Variants in STK17B observed in about 807,000 individuals in gnomAD.
The protein encoded by STK17B is serine/threonine kinase 17b.
Under a neutral mutation model 42.0 loss-of-function variants are expected in STK17B, and 21 were observed. The ratio of observed to expected loss-of-function variants is 0.50; its 90% CI spans 0.35 to 0.72. The LOEUF (loss-of-function observed/expected upper bound fraction) is 0.72. Among genes scored for constraint, STK17B ranks in the 30% least tolerant of loss-of-function variants. The pLI, the probability that STK17B is intolerant of heterozygous loss-of-function variation, is 0.00. For synonymous variants in STK17B, 143 were observed against 148.4 expected (o/e 0.96, Z 0.26); for missense variants, 349 against 446.0 (o/e 0.78, Z 1.96).
chr2:196,172,812 G>A (rs769352066), upstream of STK17B, among the ~76,000 whole-genome samples: 2 of 152,178 alleles, frequency 1.3e-5, no homozygotes, highest in Non-Finnish European at 2.9e-5. Context: ...GAAGCCTAAA[G>A]TTAGGATGAA....
At chr2:196,142,048 C>T (rs1193589053) in intron 5 of STK17B, among the ~76,000 whole-genome samples, 5 of 152,032 alleles carry the variant, frequency 3.3e-5, no homozygotes, top group East Asian at 3.9e-4. Flanking sequence ...TTTTGCTTCT[C>T]GGAAATGCTA....
intron 2 of STK17B, among the ~76,000 whole-genome samples, chr2:196,162,873 G>A (rs1363219484): frequency 6.6e-6 from 1 of 151,912 alleles, no homozygotes; most frequent in Non-Finnish European, 1.5e-5. Context: ...TTGAGCAACA[G>A]AGTGAGACCC....
At chr2:196,150,179 T>TAAAAAAAAAAAA (rs143244008) in intron 3 of STK17B, among the ~76,000 whole-genome samples, 2 of 113,488 alleles carry the variant, frequency 1.8e-5, no homozygotes, top group African/African-American at 3.5e-5. Context: ...GAGCAGTGAC[T>TAAAAAAAAAAAA]AAAAAAAAAA....
chr2:196,133,632 T>G lies in STK17B; in HGVS notation c.*3815A>C, dbSNP rs1699354036. ...ACACAAAGAGGGTTCATAGATGACC[T>G]AGGTCAAAGGCTAGAACATGCAGAC... On this transcript the variant is annotated 3_prime_UTR_variant, in exon 8 of 8. Transcript: ENST00000263955. The G allele has an allele frequency of 6.6e-6, 1 of 152,266 alleles. No homozygotes were observed. Among genetic ancestry groups the G allele is most frequent in the South Asian group, 2.1e-4 (1 of 4,836 alleles). The allele number at this position is 152,266 out of a possible 1,614,324, so 9.4% of individuals were successfully genotyped here. A position where few individuals can be genotyped will look rare whatever the true frequency, so the allele number is the denominator to read the frequency against.
intron 6 of STK17B, 38 bp from the exon 7 acceptor site, chr2:196,139,837 A>G: frequency 7.7e-7 from 1 of 1,304,334 alleles, no homozygotes; most frequent in Non-Finnish European, 9.9e-7. Context: ...ATGTATGTTA[A>G]TTTTTAAACA....
intron 2 of STK17B, among the ~76,000 whole-genome samples, chr2:196,159,899 A>T (rs895953772): frequency 3.3e-5 from 5 of 152,336 alleles, no homozygotes; most frequent in Non-Finnish European, 5.9e-5. Context: ...TGTATTTCTT[A>T]AAAGATTGAG....
rs765268119 is a variant in STK17B at position 196,139,795 on chromosome 2, T to C, written c.661A>G (p.Ile221Val). 7.3e-7 allele frequency: 1 copy of C among 1,366,604 alleles called. No individual in the cohort carries two copies. The highest frequency in any genetic ancestry group is 9.5e-7 in the Non-Finnish European group (1 of 1,049,260). The allele number at this position is 1,366,604 out of a possible 1,614,324, so 84.7% of individuals were successfully genotyped here. A position where few individuals can be genotyped will look rare whatever the true frequency, so the allele number is the denominator to read the frequency against. Residue 221 changes from isoleucine to valine, a missense_variant, in exon 7 of 8, where the codon ATT becomes GTT. Ile to Val is a conservative substitution (Grantham distance 29). Around this residue, in one of 3 missense-constraint regions of STK17B, gnomAD observed 256 missense variants for 347.7 expected, o/e 0.74. Transcript: ENST00000263955. ...AACAACATATATGCTATTATACCAA[T>C]ATTCCTGAAAAACAAGGGAGGGGAA... ...PITTATDMWN[I>V]GIIAYMLLTH...
At chr2:196,139,865 C>T (rs910384509) in intron 6 of STK17B, 66 bp from the exon 7 acceptor site, 29 of 1,182,832 alleles carry the variant, frequency 2.5e-5, no homozygotes, top group Middle Eastern at 5.8e-4. Context: ...AAAGTACAAT[C>T]GACATTCAAC....
chr2:196,153,263 A>AAAAAAAAAC (rs1444072925), intron 3 of STK17B: 1 of 151,744 alleles, frequency 6.6e-6, no homozygotes, highest in African/African-American at 2.4e-5. Context: ...TCCAAAAAAA[A>AAAAAAAAAC]AAAACAGTTG....
In STK17B at chr2:196,135,170, T is replaced by C. The variant is rs1315272026; in HGVS notation, c.*2277A>G. The C allele has an allele frequency of 3.9e-5, 6 of 152,196 alleles. No homozygotes were observed. The highest frequency in any genetic ancestry group is 1.5e-5 in the Non-Finnish European group (1 of 68,022). 9.4% of individuals were successfully genotyped at this position (152,196 alleles called of 1,614,324 possible). A position where few individuals can be genotyped will look rare whatever the true frequency, so the allele number is the denominator to read the frequency against. Reference sequence around the variant, plus strand: ...GAACTTATAATTTAAAATTCAAATATTTCTTGATTTTTTGGGGGATGGCAT... The same window carrying C: ...GAACTTATAATTTAAAATTCAAATACTTCTTGATTTTTTGGGGGATGGCAT... On this transcript the variant is annotated 3_prime_UTR_variant, in exon 8 of 8. Coordinates refer to ENST00000263955, the MANE Select transcript of STK17B (RefSeq NM_004226.4).
chr2:196,167,330 T>C (rs1291380444), intron 1 of STK17B, among the ~76,000 whole-genome samples: 1 of 152,220 alleles, frequency 6.6e-6, no homozygotes, highest in Non-Finnish European at 1.5e-5. Flanking sequence ...ACCAGCATGG[T>C]ATCTGCCACC....
At position 196,135,466 on chromosome 2, in the gene STK17B, A is replaced by G. The variant is rs1325584660; in HGVS notation, c.*1981T>C. The G allele has an allele frequency of 6.6e-6, 1 of 152,216 alleles. No homozygotes were observed. The highest frequency in any genetic ancestry group is 1.5e-5 in the Non-Finnish European group (1 of 68,032). The allele number at this position is 152,216 out of a possible 1,614,324, so 9.4% of individuals were successfully genotyped here. On this transcript the variant is annotated 3_prime_UTR_variant, in exon 8 of 8. Transcript: ENST00000263955. ...TCATATAAAGAATATAAATGTCATA[A>G]TTTATATGTCATAAGAAAAGAGCTC...
intron 5 of STK17B, 53 bp from the exon 6 acceptor site, chr2:196,141,350 A>G: frequency 7.1e-7 from 1 of 1,413,700 alleles, no homozygotes; most frequent in Non-Finnish European, 9.8e-7. Context: ...TAAAACAAGA[A>G]AATCACTTTA....
chr2:196,171,072 C>T (rs903304937), intron 1 of STK17B: 3 of 152,422 alleles, frequency 2.0e-5, no homozygotes, highest in Admixed American at 6.5e-5. Flanking sequence ...AGACACGCGC[C>T]CCGGGCTGAG....
At chr2:196,145,344 T>G (rs188604653) in intron 4 of STK17B, among the ~76,000 whole-genome samples, 3 of 152,022 alleles carry the variant, frequency 2.0e-5, no homozygotes, top group Non-Finnish European at 2.9e-5. Context: ...CACAGACTGA[T>G]TCAGATCTTA....
chr2:196,165,469 T>C (rs1308054244), intron 1 of STK17B: 1 of 152,276 alleles, frequency 6.6e-6, no homozygotes. Flanking sequence ...CTTGGTCATA[T>C]TTCATTTAAA....
At chr2:196,144,510 A>C in intron 4 of STK17B, among the ~76,000 whole-genome samples, 2 of 148,838 alleles carry the variant, frequency 1.3e-5, no homozygotes, top group African/African-American at 2.5e-5. Flanking sequence ...AAAAAAAAAA[A>C]AAAAAAAAAA....
chr2:196,163,517 C>G, intron 1 of STK17B, 90 bp from the exon 2 acceptor site: 3 of 910,152 alleles, frequency 3.3e-6, no homozygotes, highest in Admixed American at 7.6e-5. Flanking sequence ...CTATAAAATA[C>G]AACTAAAAAA....
At position 196,164,037 on chromosome 2, in the gene STK17B, TCAA is replaced by T. The variant is rs1189991495; in HGVS notation, c.-44-613_-44-611del. On this transcript the variant is annotated intron_variant, in intron 1 of 7. Transcript: ENST00000263955. ...TTGGGCAATAAAGCGAGATCTTATC[TCAA>T]TAAATAAATAAATAAATAAATAAAT... Among the ~76,000 whole-genome samples, 52 of 131,074 alleles carry T rather than the reference TCAA, an allele frequency of 4.0e-4. 1 individual carries two copies. In the South Asian group the frequency reaches 7.5e-3, roughly 19 times the overall value. 86.0% of individuals were successfully genotyped at this position (131,074 alleles called of 152,430 possible). A position where few individuals can be genotyped will look rare whatever the true frequency, so the allele number is the denominator to read the frequency against.
Sources: allele counts gnomAD v4.1 joint callset (sites outside exome capture counted in the v4.1 genomes callset), GRCh38; gene constraint gnomAD v4.1.1; regional missense constraint gnomAD v4.1.1; transcripts MANE v1.5; gene names NCBI Gene and HGNC (gene_info 2026-07-23, HGNC 2026-07-21).